Variants in CDH13 observed in about 807,000 individuals in gnomAD.
CDH13 encodes the protein cadherin-13.
In CDH13, 24 loss-of-function variants were observed where a neutral mutation model predicts 63.8. The observed-to-expected ratio is 0.38, with a 90% CI of 0.27 to 0.53. The LOEUF is 0.53. Ranked by LOEUF, CDH13 falls within the 20% of genes least tolerant of loss-of-function variation. CDH13 has a pLI of 0.85. For missense variants in CDH13, 1,049 were observed against 903.1 expected (o/e 1.16, Z -2.07); for synonymous variants, 503 against 355.3 (o/e 1.42, Z -4.67).
chr16:83,680,056 C>T (rs1407052681), intron 10 of CDH13, among the ~76,000 whole-genome samples: 1 of 152,152 alleles, frequency 6.6e-6, no homozygotes, highest in African/African-American at 2.4e-5. Flanking sequence ...AAAGAAAGAA[C>T]GTGCTGGAGG....
At chr16:82,656,922 T>C (rs1911366213) in intron 1 of CDH13, among the ~76,000 whole-genome samples, 1 of 149,670 alleles carries the variant, frequency 6.7e-6, no homozygotes, top group East Asian at 1.9e-4. Context: ...GTAGCTCTTT[T>C]TTTTTTTTTT....
At chr16:82,764,173 T>G (rs2034960783) in intron 1 of CDH13, among the ~76,000 whole-genome samples, 1 of 152,204 alleles carries the variant, frequency 6.6e-6, no homozygotes, top group African/African-American at 2.4e-5. Context: ...GCTGTTGTTG[T>G]TGTTAGAATA....
intron 3 of CDH13, among the ~76,000 whole-genome samples, chr16:83,124,349 C>T (rs1261248505): frequency 1.3e-5 from 2 of 152,048 alleles, no homozygotes; most frequent in African/African-American, 4.8e-5. Context: ...CCCGGCCTAC[C>T]CACTTTTAAT....
intron 4 of CDH13, among the ~76,000 whole-genome samples, chr16:83,204,115 G>T (rs568101689): frequency 1.3e-5 from 2 of 152,194 alleles, no homozygotes; most frequent in Non-Finnish European, 2.9e-5. Context: ...CATGTCACAC[G>T]GAGTTCCGAT....
At chr16:82,661,109 A>T (rs939201215) in intron 1 of CDH13, among the ~76,000 whole-genome samples, 7 of 152,158 alleles carry the variant, frequency 4.6e-5, no homozygotes, top group Non-Finnish European at 8.8e-5. Flanking sequence ...GTGATGTTTC[A>T]TGCTGGAGGG....
chr16:83,024,173 G>T (rs1035536675), intron 2 of CDH13, among the ~76,000 whole-genome samples: 2 of 152,120 alleles, frequency 1.3e-5, no homozygotes, highest in Admixed American at 1.3e-4. Flanking sequence ...TTTCCAGAGG[G>T]TACAACAAAC....
chr16:83,040,245 T>C (rs1427823460), intron 3 of CDH13, among the ~76,000 whole-genome samples: 1 of 151,990 alleles, frequency 6.6e-6, no homozygotes, highest in Non-Finnish European at 1.5e-5. Context: ...CACGTGTGTA[T>C]TAGTCAAGGT....
intron 2 of CDH13, among the ~76,000 whole-genome samples, chr16:82,862,908 C>T (rs921174095): frequency 1.3e-5 from 2 of 152,138 alleles, no homozygotes; most frequent in Non-Finnish European, 2.9e-5. Context: ...TTGTAGCTTC[C>T]AGCTTTTATC....
At position 82,930,313 on chromosome 16, in the gene CDH13, C is replaced by T. The variant is rs74808589; in HGVS notation, c.157+71840C>T. Among the ~76,000 whole-genome samples, 676 of 152,200 alleles carry T rather than the reference C, an allele frequency of 4.4e-3. 4 individuals carry two copies. Among genetic ancestry groups the T allele is most frequent in the African/African-American group, 0.016 (652 of 41,530 alleles). On this transcript the variant is annotated intron_variant, in intron 2 of 13. Coordinates refer to ENST00000567109, the MANE Select transcript of CDH13 (RefSeq NM_001257.5). The stretch of plus-strand genomic sequence containing the variant: ...TAAATGGAATCATAGAGAGTGTACT[C>T]TTGTGTGTCTGTATGGGACTCTCTC...
intron 10 of CDH13, among the ~76,000 whole-genome samples, chr16:83,717,413 C>T (rs986979206): frequency 2.0e-5 from 3 of 152,334 alleles, no homozygotes; most frequent in African/African-American, 7.2e-5. Flanking sequence ...GTCTGAACTG[C>T]CTGGTTCACC....
chr16:83,615,332 T>G (rs1031753590), intron 8 of CDH13, among the ~76,000 whole-genome samples: 1 of 152,064 alleles, frequency 6.6e-6, no homozygotes, highest in Non-Finnish European at 1.5e-5. Flanking sequence ...GCCAACCACA[T>G]ATTTCTTAGA....
chr16:82,866,442 G>A (rs1436443325), intron 2 of CDH13, among the ~76,000 whole-genome samples: 3 of 123,558 alleles, frequency 2.4e-5, no homozygotes, highest in Admixed American at 1.0e-4. Flanking sequence ...AGGCTGGAGT[G>A]CAGTGGCACG....
chr16:82,909,366 C>T (rs181219603), intron 2 of CDH13, among the ~76,000 whole-genome samples: 74 of 150,770 alleles, frequency 4.9e-4, no homozygotes, highest in African/African-American at 1.8e-3. Context: ...AAAATGTGTG[C>T]GTTAAATATA....
chr16:83,366,566 C>T (rs935823990), intron 6 of CDH13, among the ~76,000 whole-genome samples: 3 of 152,118 alleles, frequency 2.0e-5, no homozygotes, highest in East Asian at 1.9e-4. Flanking sequence ...ATCATCCCTG[C>T]GATTGGGATA....
At chr16:82,768,679 A>G (rs1410293489) in intron 1 of CDH13, among the ~76,000 whole-genome samples, 2 of 152,166 alleles carry the variant, frequency 1.3e-5, no homozygotes, top group African/African-American at 4.8e-5. Flanking sequence ...CATCCAGCCT[A>G]GTGCTTAGGT....
chr16:83,677,135 C>T (rs1238674174), intron 9 of CDH13, among the ~76,000 whole-genome samples: 1 of 152,206 alleles, frequency 6.6e-6, no homozygotes, highest in African/African-American at 2.4e-5. Context: ...TCTCCCCATG[C>T]ACCGCTGACA....
chr16:82,775,925 T>A (rs1308758502), intron 1 of CDH13, among the ~76,000 whole-genome samples: 1 of 152,120 alleles, frequency 6.6e-6, no homozygotes, highest in Non-Finnish European at 1.5e-5. Flanking sequence ...AAGGGCACTA[T>A]CAGGCTGCAT....
At chr16:83,590,213 G>C (rs1275391926) in intron 7 of CDH13, among the ~76,000 whole-genome samples, 1 of 152,164 alleles carries the variant, frequency 6.6e-6, no homozygotes, top group Non-Finnish European at 1.5e-5. Flanking sequence ...GCTGGCTTTG[G>C]GGTGGAGAGG....
intron 2 of CDH13, among the ~76,000 whole-genome samples, chr16:82,989,138 G>T (rs906181253): frequency 2.0e-5 from 3 of 152,192 alleles, no homozygotes; most frequent in Admixed American, 2.0e-4. Context: ...GGGAGACGGA[G>T]AGAGAGAATG....
Sources: gnomAD v4.1 joint callset for allele counts (sites outside exome capture counted in the v4.1 genomes callset) on GRCh38, gnomAD v4.1.1 for gene constraint, MANE v1.5 for transcripts, NCBI Gene and HGNC (gene_info 2026-07-23, HGNC 2026-07-21) for gene names.